The following DMD variants were observed in gnomAD, a reference collection of about 807,000 sequenced individuals.
The protein encoded by DMD is dystrophin.
In DMD, 63 loss-of-function variants were observed where a neutral mutation model predicts 330.1. That is an observed-to-expected ratio of 0.19 (90% CI 0.16 to 0.24). The LOEUF (loss-of-function observed/expected upper bound fraction) is 0.24. Ranked by LOEUF, DMD falls within the 10% of genes least tolerant of loss-of-function variation. The pLI, the probability that DMD is intolerant of heterozygous loss-of-function variation, is 1.00. For synonymous variants in DMD, 1,223 were observed against 959.8 expected (o/e 1.27, Z -5.07); for missense variants, 3,344 against 2,684.1 (o/e 1.25, Z -5.43).
rs1556876203 is a variant in DMD at position 32,644,981 on chromosome X, G to C, written c.1132C>G (p.Gln378Glu). The C allele has an allele frequency of 5.8e-6, 7 of 1,211,306 alleles. No homozygotes were observed. Among genetic ancestry groups the C allele is most frequent in the Non-Finnish European group, 6.7e-6 (6 of 895,274 alleles). ...TAGTTTACCTCATGAGTATGAAACT[G>C]GTCTTTCACCACTTCCACATCATTA... ...ISNDVEVVKD[Q>E]FHTHEGYMMD... The change falls in exon 10 of 79, where the codon CAG becomes GAG. Residue 378 changes from glutamine (Q) to glutamate (E), a missense_variant. Coordinates refer to ENST00000357033, the MANE Select transcript of DMD (RefSeq NM_004006.3).
chrX:32,139,459 G>A (rs1829464554), intron 44 of DMD, among the ~76,000 whole-genome samples: 1 of 112,219 alleles, frequency 8.9e-6, no homozygotes, highest in African/African-American at 3.2e-5. Flanking sequence ...TGACACATTT[G>A]TCATTACTTT....
chrX:32,333,958 A>C (rs1369938697), intron 41 of DMD, among the ~76,000 whole-genome samples: 1 of 111,330 alleles, frequency 9.0e-6, no homozygotes, highest in Non-Finnish European at 1.9e-5. Context: ...ACTTTTAAAA[A>C]TTATATTTTA....
intron 17 of DMD, among the ~76,000 whole-genome samples, chrX:32,529,489 G>C (rs1451719793): frequency 2.3e-5 from 2 of 88,854 alleles, no homozygotes; most frequent in Non-Finnish European, 4.2e-5. Context: ...CGCCTCCTGG[G>C]GACAAGCAAT....
At chrX:33,016,837 TC>T (rs1442786247) in intron 2 of DMD, among the ~76,000 whole-genome samples, 1 of 112,076 alleles carries the variant, frequency 8.9e-6, no homozygotes, top group African/African-American at 3.2e-5. Flanking sequence ...GGTCATGTTT[TC>T]AAAACTGTAC....
chrX:31,401,167 T>C (rs1245898184), intron 60 of DMD, among the ~76,000 whole-genome samples: 1 of 111,366 alleles, frequency 9.0e-6, no homozygotes, highest in Admixed American at 9.6e-5. Flanking sequence ...ACGATGAAGA[T>C]CACACTACCT....
At chrX:32,636,300 C>T (rs951405399) in intron 11 of DMD, among the ~76,000 whole-genome samples, 1 of 111,868 alleles carries the variant, frequency 8.9e-6, no homozygotes, top group African/African-American at 3.2e-5. Context: ...CTGCACCCTG[C>T]AACCTGATCT....
At position 31,202,383 on chromosome X, in the gene DMD, G is replaced by T. The variant is rs747371000; in HGVS notation, c.9807+1578C>A. On this transcript the variant is annotated intron_variant, in intron 67 of 78. Coordinates refer to ENST00000357033, the MANE Select transcript of DMD (RefSeq NM_004006.3). ...GGATTGATCATCTATCTGCATTTTG[G>T]AAGGTTTGGGTATGAGGAGGAAAAG... Among the ~76,000 whole-genome samples, 10 of 111,875 alleles carry T rather than the reference G, an allele frequency of 8.9e-5. 1 individual carries two copies. In the South Asian group the frequency reaches 3.7e-3, roughly 42 times the overall value.
rs1045176835 is a variant in DMD, at chrX:33,060,554, C to T, written c.32-40354G>A. Among the ~76,000 whole-genome samples, 5 of 111,419 alleles carry T rather than the reference C, an allele frequency of 4.5e-5. No homozygotes were observed. In the East Asian group the frequency reaches 8.5e-4, roughly 19 times the overall value. On this transcript the variant is annotated intron_variant, in intron 1 of 78. Transcript: ENST00000357033. ...TGTTTCAAAAAATTCCAGTCTCGAC[C>T]AGGCGTGGTGGCTCACGCCTGTAAT... is the stretch of plus-strand genomic sequence containing the variant.
intron 1 of DMD, among the ~76,000 whole-genome samples, chrX:33,068,550 G>A (rs1205493880): frequency 1.8e-5 from 2 of 112,298 alleles, no homozygotes; most frequent in Non-Finnish European, 3.8e-5. Flanking sequence ...CGTTATCACT[G>A]GATATGGTAG....
intron 2 of DMD, among the ~76,000 whole-genome samples, chrX:32,852,692 C>T (rs760944664): frequency 1.1e-4 from 12 of 109,329 alleles, no homozygotes; most frequent in African/African-American, 4.0e-4. Context: ...GGCCTCGCAG[C>T]GTTTACTCCT....
chrX:32,986,745 G>A (rs1359740893), intron 2 of DMD, among the ~76,000 whole-genome samples: 1 of 112,175 alleles, frequency 8.9e-6, no homozygotes, highest in East Asian at 2.8e-4. Context: ...GTAGCTGTTA[G>A]TTCAAGGAAC....
rs56332488 is a variant in DMD, at chrX:33,219,306, TTGTGTGTGTGTGTGTGTGTGTG to T, written c.7+119931_7+119952del. On this transcript the variant is annotated intron_variant, in intron 1 of 17. Transcript: ENST00000288447. ...TCTATGGTTGATACTTTAGAGATTA[TTGTGTGTGTGTGTGTGTGTGTG>T]TGTGTGTGTGTGTGTGTGTGTGTGT... Among the ~76,000 whole-genome samples the T allele has an allele frequency of 5.7e-3, 414 of 72,951 alleles. 1 individual carries two copies. The highest frequency in any genetic ancestry group is 0.017 in the African/African-American group (397 of 22,820). 63.3% of individuals were successfully genotyped at this position (72,951 alleles called of 115,157 possible). A position where few individuals can be genotyped will look rare whatever the true frequency, so the allele number is the denominator to read the frequency against.
chrX:31,739,842 CAA>C (rs34229635), intron 51 of DMD, among the ~76,000 whole-genome samples: 1,538 of 84,087 alleles, frequency 0.018, 28 homozygotes, highest in East Asian at 0.085. Flanking sequence ...ATAGTAATCT[CAA>C]AAAAAAAAAA....
At chrX:32,863,537 T>TATACAC (rs766140903) in intron 2 of DMD, among the ~76,000 whole-genome samples, 4 of 78,240 alleles carry the variant, frequency 5.1e-5, no homozygotes, top group African/African-American at 2.5e-4. Flanking sequence ...ATTGTGTTTA[T>TATACAC]ACACACACAC....
intron 55 of DMD, among the ~76,000 whole-genome samples, chrX:31,589,020 T>A (rs1346809030): frequency 1.8e-5 from 2 of 108,613 alleles, no homozygotes; most frequent in African/African-American, 6.7e-5. Context: ...TTCATTTCAA[T>A]CCAATTTACC....
intron 16 of DMD, among the ~76,000 whole-genome samples, chrX:32,547,289 G>A (rs923189080): frequency 1.4e-4 from 15 of 110,744 alleles, no homozygotes; most frequent in Admixed American, 1.9e-4. Flanking sequence ...TAATATTTTC[G>A]TGGTATCTAC....
At chrX:32,526,335 AT>A (rs1029122121) in intron 17 of DMD, among the ~76,000 whole-genome samples, 8 of 111,872 alleles carry the variant, frequency 7.2e-5, no homozygotes, top group Non-Finnish European at 1.5e-4. Flanking sequence ...TGAAGCGACA[AT>A]TTTTTTCTCC....
intron 9 of DMD, 101 bp from the exon 10 acceptor site, chrX:32,645,253 C>A (rs942044416): frequency 1.9e-5 from 17 of 911,865 alleles, no homozygotes; most frequent in Non-Finnish European, 2.6e-5. Flanking sequence ...AATGCTAGGA[C>A]TGTCCACTGG....
At chrX:31,978,015 T>C (rs1197953038) in intron 44 of DMD, among the ~76,000 whole-genome samples, 1 of 111,183 alleles carries the variant, frequency 9.0e-6, no homozygotes, top group African/African-American at 3.3e-5. Context: ...AAACTATAGG[T>C]TTTACTTTCT....
Sources: allele counts gnomAD v4.1 joint callset (sites outside exome capture counted in the v4.1 genomes callset), GRCh38; gene constraint gnomAD v4.1.1; transcripts MANE v1.5; gene names NCBI Gene and HGNC (gene_info 2026-07-23, HGNC 2026-07-21).